The following SPON1 variants were observed in gnomAD, a reference collection of about 807,000 sequenced individuals.
The protein encoded by SPON1 is spondin 1.
A neutral mutation model predicts 111.7 loss-of-function variants in SPON1; 52 were observed. The observed-to-expected ratio is 0.47, with a 90% CI of 0.37 to 0.59. The LOEUF (loss-of-function observed/expected upper bound fraction) is 0.59, where lower values mean the gene tolerates loss of function less well. Ranked by LOEUF, SPON1 falls within the 20% of genes least tolerant of loss-of-function variation. The probability of loss-of-function intolerance (pLI) is 0.00; values close to 1 mark genes in which losing one functional copy is unlikely to be tolerated. For synonymous variants in SPON1, 410 were observed against 395.8 expected (o/e 1.04, Z -0.43); for missense variants, 957 against 1,068.5 (o/e 0.90, Z 1.46).
intron 5 of SPON1, among the ~76,000 whole-genome samples, chr11:14,080,717 A>G (rs1462925675): frequency 6.6e-6 from 1 of 151,872 alleles, no homozygotes; most frequent in Non-Finnish European, 1.5e-5. Context: ...GTCAACAAAT[A>G]CTCTGCTATC....
At chr11:13,997,286 T>C (rs1848280754) in intron 2 of SPON1, among the ~76,000 whole-genome samples, 1 of 152,174 alleles carries the variant, frequency 6.6e-6, no homozygotes, top group Admixed American at 6.5e-5. Context: ...TAGCTTAGCT[T>C]TGCTATTTAA....
At chr11:14,072,102 T>TC (rs1435835717) in intron 3 of SPON1, among the ~76,000 whole-genome samples, 2 of 152,178 alleles carry the variant, frequency 1.3e-5, no homozygotes, top group African/African-American at 4.8e-5. Flanking sequence ...GTTTCTGAAT[T>TC]CCAAAACATA....
chr11:14,017,039 T>C (rs1848448963), intron 2 of SPON1, among the ~76,000 whole-genome samples: 1 of 152,214 alleles, frequency 6.6e-6, no homozygotes, highest in East Asian at 1.9e-4. Context: ...CTTTTGTATG[T>C]TCCAGGGCTG....
intron 6 of SPON1, among the ~76,000 whole-genome samples, chr11:14,192,941 G>C (rs1564928051): frequency 6.6e-6 from 1 of 152,170 alleles, no homozygotes; most frequent in African/African-American, 2.4e-5. Context: ...TAGAGTGCAG[G>C]CATCCAAACT....
chr11:14,107,079 G>A (rs1187836710), intron 5 of SPON1, among the ~76,000 whole-genome samples: 2 of 152,158 alleles, frequency 1.3e-5, no homozygotes, highest in Non-Finnish European at 2.9e-5. Flanking sequence ...TGCACATGGA[G>A]CCTCCCAGGG....
intron 1 of SPON1, among the ~76,000 whole-genome samples, chr11:13,963,659 G>A (rs1200573400): frequency 6.6e-6 from 1 of 152,106 alleles, no homozygotes; most frequent in Non-Finnish European, 1.5e-5. Context: ...GTCCCTTCAG[G>A]AGAAGGGACT....
rs1554927952 is a variant in SPON1 at position 14,135,388 on chromosome 11, G to A, written c.677-32G>A. 6.3e-7 allele frequency: 1 copy of A among 1,595,378 alleles called. No individual in the cohort carries two copies. Among genetic ancestry groups the A allele is most frequent in the African/African-American group, 1.3e-5 (1 of 74,512 alleles). On this transcript the variant is annotated intron_variant, in intron 5 of 15. Coordinates refer to ENST00000576479, the MANE Select transcript of SPON1 (RefSeq NM_006108.4). This position sits in a 1 kb window ranked among gnomAD's most constrained non-coding sequence, Gnocchi z 4.4. ...GGACTCGTGTTTCAGCCACAGCCAT[G>A]CTGATAACTGCCTCCTGATTGGCTT...
Position 14,172,584 on chromosome 11 carries a change from G to T in SPON1, c.825+37016G>T, listed in dbSNP as rs185735421. On this transcript the variant is annotated intron_variant, in intron 6 of 15. Coordinates refer to ENST00000576479, the MANE Select transcript of SPON1 (RefSeq NM_006108.4). ...CATTTGTTGATGCAGTTTCTTCCTA[G>T]CCTCGATGGTCTTTACAATTTGGCA... Among the ~76,000 whole-genome samples the T allele has an allele frequency of 1.7e-3, 260 of 152,120 alleles. 8 individuals are homozygous for T. The highest frequency in any genetic ancestry group is 2.5e-3 in the South Asian group (12 of 4,822).
At chr11:14,046,139 T>C (rs1444328222) in intron 3 of SPON1, among the ~76,000 whole-genome samples, 3 of 152,104 alleles carry the variant, frequency 2.0e-5, no homozygotes, top group African/African-American at 7.2e-5. Flanking sequence ...GAAGGAGGGC[T>C]ATACAAGGAG....
intron 6 of SPON1, among the ~76,000 whole-genome samples, chr11:14,189,565 G>T (rs1848322859): frequency 6.6e-6 from 1 of 152,080 alleles, no homozygotes. Flanking sequence ...GTCTCCCAAG[G>T]CTTCCTTGCT....
chr11:14,032,010 G>A (rs535263547), intron 2 of SPON1, among the ~76,000 whole-genome samples: 1 of 152,106 alleles, frequency 6.6e-6, no homozygotes, highest in African/African-American at 2.4e-5. Context: ...GATCATAATA[G>A]CCCCAAATTA....
intron 2 of SPON1, among the ~76,000 whole-genome samples, chr11:14,005,146 A>T (rs1554912959): frequency 6.6e-6 from 1 of 152,204 alleles, no homozygotes. Context: ...AAAAATTATT[A>T]CAAAGGCCAA....
intron 8 of SPON1, among the ~76,000 whole-genome samples, chr11:14,255,275 A>G (rs552518920): frequency 4.9e-4 from 74 of 152,356 alleles, no homozygotes; most frequent in African/African-American, 1.6e-3. Context: ...AACAGACACA[A>G]TATGGTTCAC....
intron 6 of SPON1, among the ~76,000 whole-genome samples, chr11:14,177,071 C>T (rs1321038502): frequency 3.9e-5 from 6 of 152,218 alleles, no homozygotes; most frequent in South Asian, 2.1e-4. Flanking sequence ...GATGGTGTCT[C>T]GCTCTGTCAC....
chr11:14,170,512 G>A (rs1246233257), intron 6 of SPON1, among the ~76,000 whole-genome samples: 2 of 151,994 alleles, frequency 1.3e-5, no homozygotes, highest in Non-Finnish European at 2.9e-5. Flanking sequence ...GATTGCCCTG[G>A]CCAGAGCTTC....
At chr11:14,004,591 T>C (rs912119022) in intron 2 of SPON1, among the ~76,000 whole-genome samples, 7 of 152,234 alleles carry the variant, frequency 4.6e-5, no homozygotes, top group African/African-American at 1.7e-4. Context: ...TTAATGATGT[T>C]GAACACCTTT....
intron 6 of SPON1, among the ~76,000 whole-genome samples, chr11:14,238,849 T>C (rs1384582433): frequency 6.6e-6 from 1 of 152,194 alleles, no homozygotes; most frequent in Non-Finnish European, 1.5e-5. Flanking sequence ...TTGGTATGTC[T>C]TTAGAAAAGT....
At chr11:14,143,914 C>A (rs1318608143) in intron 6 of SPON1, among the ~76,000 whole-genome samples, 1 of 152,044 alleles carries the variant, frequency 6.6e-6, no homozygotes, top group African/African-American at 2.4e-5. Context: ...AGTATGGGGC[C>A]CCAAAGCACT....
intron 6 of SPON1, among the ~76,000 whole-genome samples, chr11:14,225,122 G>A (rs1247203428): frequency 2.6e-5 from 4 of 152,130 alleles, no homozygotes; most frequent in African/African-American, 9.7e-5. Context: ...CAGCTGCATG[G>A]AGGAATATAG....
Sources: gnomAD v4.1 joint callset for allele counts (sites outside exome capture counted in the v4.1 genomes callset) on GRCh38, gnomAD v4.1.1 for gene constraint, Gnocchi (gnomAD v3.1) non-coding constraint, MANE v1.5 for transcripts, NCBI Gene and HGNC (gene_info 2026-07-23, HGNC 2026-07-21) for gene names.